Variants in IQSEC2 observed in about 807,000 individuals in gnomAD.
IQSEC2 encodes IQ motif and SEC7 domain-containing protein 2.
A neutral mutation model predicts 74.6 loss-of-function variants in IQSEC2; 6 were observed. That is an observed-to-expected ratio of 0.08 (90% CI 0.04 to 0.16). The LOEUF is 0.16. Among genes scored for constraint, IQSEC2 ranks in the 10% least tolerant of loss-of-function variants. The pLI is 1.00. For missense variants in IQSEC2, 734 were observed against 1,306.2 expected, an observed-to-expected ratio of 0.56 and a Z score of 6.75; for synonymous variants, 494 against 544.5, an observed-to-expected ratio of 0.91 and a Z score of 1.29.
chrX:53,236,747 C>T (rs1197587306), intron 12 of IQSEC2, among the ~76,000 whole-genome samples: 1 of 111,356 alleles, frequency 9.0e-6, no homozygotes, highest in Admixed American at 9.5e-5. Flanking sequence ...TCCCTTCATC[C>T]CTCTTGGTGC....
intron 2 of IQSEC2, among the ~76,000 whole-genome samples, chrX:53,280,314 C>A (rs2074932921): frequency 9.1e-6 from 1 of 109,847 alleles, no homozygotes; most frequent in African/African-American, 3.3e-5. Context: ...GGGGGAGAAC[C>A]CAGGTGGGTG....
intron 1 of IQSEC2, among the ~76,000 whole-genome samples, chrX:53,297,804 C>T (rs2075168448): frequency 9.0e-6 from 1 of 111,447 alleles, no homozygotes; most frequent in South Asian, 3.8e-4. Flanking sequence ...AGGCTGGCTG[C>T]TCTCTAGGCC....
At chrX:53,266,530 C>T in intron 2 of IQSEC2, 2 of 759,768 alleles carry the variant, frequency 2.6e-6, no homozygotes, top group South Asian at 6.5e-5. Context: ...TGGGTCCTGC[C>T]CCCGTCTGGT....
chrX:53,229,423 G>C (rs1474639239), downstream of IQSEC2: 1 of 112,437 alleles, frequency 8.9e-6, no homozygotes, highest in Non-Finnish European at 1.9e-5. Flanking sequence ...TGCCCAGGCT[G>C]GGGGCAGTGG....
chrX:53,279,693 A>G lies in IQSEC2; in HGVS notation c.737+12202T>C, dbSNP rs782430945. ...CAGCAAGAGACAGAGAGAGACAGAGAGAGAGACAGGGAGGGAGGGAAGTGG... is the reference window on the plus strand; with the variant it reads ...CAGCAAGAGACAGAGAGAGACAGAGGGAGAGACAGGGAGGGAGGGAAGTGG... On this transcript the variant is annotated intron_variant, in intron 2 of 14. Coordinates refer to ENST00000642864, the MANE Select transcript of IQSEC2 (RefSeq NM_001111125.3). 5.3e-6 allele frequency: 5 copies of G among 939,608 alleles called. No individual in the cohort carries two copies. The East Asian group carries it at 1.6e-4, about 29-fold the overall frequency. The allele number at this position is 939,608 out of a possible 1,213,427, so 77.4% of individuals were successfully genotyped here.
intron 2 of IQSEC2, chrX:53,266,652 G>A: frequency 2.3e-6 from 2 of 851,741 alleles, no homozygotes. Flanking sequence ...CAGGGTGCCT[G>A]GGAAGTGGGA....
chrX:53,320,479 G>A lies in IQSEC2; in HGVS notation c.645C>T (p.Pro215=), dbSNP rs1556879964. 2 of 1,165,608 alleles carry A rather than the reference G, an allele frequency of 1.7e-6. No individual in the cohort carries two copies. The change falls in exon 1 of 15, where the codon CCC becomes CCT. Residue 215 remains proline, a synonymous_variant. Coordinates refer to ENST00000642864, the MANE Select transcript of IQSEC2 (RefSeq NM_001111125.3). ...TGGTGCTGTGGCCTCCGCCGGCGCC[G>A]GGACTGGAGCTCCTGGATGCGCCAC... ...LSRGASRSSS[P]GAGGGHSTST...
chrX:53,291,940 A>AG lies in IQSEC2; in HGVS notation c.708-17dup. The AG allele has an allele frequency of 1.7e-6, 2 of 1,165,170 alleles. No individual in the cohort carries two copies. Among genetic ancestry groups the AG allele is most frequent in the Non-Finnish European group, 2.3e-6 (2 of 870,698 alleles). ...ACCATCAGATCTGAAAGGGAAACAG[A>AG]GAAAAAAAACCAAAACGGTCAGTAT... On this transcript the variant is annotated splice_polypyrimidine_tract_variant and intron_variant, in intron 1 of 14. Transcript: ENST00000642864.
intron 2 of IQSEC2, among the ~76,000 whole-genome samples, chrX:53,280,098 C>T (rs1556870528): frequency 9.3e-6 from 1 of 107,239 alleles, no homozygotes; most frequent in Admixed American, 1.0e-4. Context: ...TCCGTGGGGA[C>T]CTCAGCCACA....
chrX:53,290,697 G>C (rs781980346), intron 2 of IQSEC2, among the ~76,000 whole-genome samples: 1 of 111,905 alleles, frequency 8.9e-6, no homozygotes, highest in South Asian at 3.7e-4. Context: ...CCCATTCTTG[G>C]CTCTGGGTAT....
At chrX:53,320,011 G>A (rs1395392077) in intron 1 of IQSEC2, among the ~76,000 whole-genome samples, 2 of 109,827 alleles carry the variant, frequency 1.8e-5, no homozygotes. Flanking sequence ...AAAAAAGGCG[G>A]GGGTGGGGGG....
rs2074317625 is a variant in IQSEC2 at position 53,247,026 on chromosome X, G to T, written c.2692C>A (p.Pro898Thr). 1 of 1,208,333 alleles carries T rather than the reference G, an allele frequency of 8.3e-7. No individual in the cohort carries two copies. The highest frequency in any genetic ancestry group is 1.8e-5 in the African/African-American group (1 of 56,947). The change falls in exon 8 of 15, where the codon CCC becomes ACC. Residue 898 changes from proline to threonine, a missense_variant. Transcript: ENST00000642864. Reference sequence around the variant, plus strand: ...ATCTTTCGTTCAGCTTTGACGCTGGGACTGTACATGTCGGTATTGAGGAGG... The same window carrying T: ...ATCTTTCGTTCAGCTTTGACGCTGGTACTGTACATGTCGGTATTGAGGAGG... Reference protein sequence around the residue: ...IILLNTDMYSPSVKAERKMKL... With the variant: ...IILLNTDMYSTSVKAERKMKL...
intron 4 of IQSEC2, among the ~76,000 whole-genome samples, chrX:53,251,793 C>G (rs1448622657): frequency 1.8e-5 from 2 of 112,572 alleles, no homozygotes; most frequent in Non-Finnish European, 3.8e-5. Context: ...GGCATGGTGG[C>G]TCATGCCTGT....
chrX:53,279,650 C>T (rs782516250), intron 2 of IQSEC2: 42 of 1,157,942 alleles, frequency 3.6e-5, no homozygotes, highest in South Asian at 5.5e-5. Context: ...GAGTATGAGA[C>T]GCTGTGGACC....
chrX:53,295,400 C>T (rs1242351136), intron 1 of IQSEC2, among the ~76,000 whole-genome samples: 9 of 109,800 alleles, frequency 8.2e-5, no homozygotes, highest in Admixed American at 2.9e-4. Flanking sequence ...GTCAGGAGAT[C>T]GAAACCATCA....
chrX:53,233,479 C>G lies in IQSEC2; in HGVS notation c.*740G>C, dbSNP rs782008089. The G allele has an allele frequency of 1.7e-5, 2 of 116,079 alleles. No individual in the cohort carries two copies. The highest frequency in any genetic ancestry group is 3.3e-5 in the African/African-American group (1 of 30,480). 9.6% of individuals were successfully genotyped at this position (116,079 alleles called of 1,213,427 possible). ...TGCCCTTCTCATCCCAGACCTGAGC[C>G]CCCCCCAAAACCTGTCTGGACTTTG... On this transcript the variant is annotated 3_prime_UTR_variant, in exon 15 of 15. Transcript: ENST00000642864.
chrX:53,285,362 C>T (rs1472056075), intron 2 of IQSEC2, among the ~76,000 whole-genome samples: 1 of 112,790 alleles, frequency 8.9e-6, no homozygotes, highest in Non-Finnish European at 1.9e-5. Context: ...TTAGCAGCAT[C>T]TGGCACATTG....
At chrX:53,252,921 T>C (rs1416336248) in intron 4 of IQSEC2, among the ~76,000 whole-genome samples, 1 of 111,406 alleles carries the variant, frequency 9.0e-6, no homozygotes, top group Non-Finnish European at 1.9e-5. Flanking sequence ...CATTCCTCCC[T>C]TGAGGGAGGG....
intron 1 of IQSEC2, among the ~76,000 whole-genome samples, chrX:53,292,604 C>CTGTGTACTACACTGG (rs2075111356): frequency 1.8e-5 from 2 of 111,726 alleles, no homozygotes; most frequent in African/African-American, 6.5e-5. Context: ...ACTGGTCTGC[C>CTGTGTACTACACTGG]GTTTTCATTG....
Sources: gnomAD v4.1 joint callset for allele counts (sites outside exome capture counted in the v4.1 genomes callset) on GRCh38, gnomAD v4.1.1 for gene constraint, MANE v1.5 for transcripts, NCBI Gene and HGNC (gene_info 2026-07-23, HGNC 2026-07-21) for gene names.